Variants in FASTK observed in about 807,000 individuals in gnomAD.
The protein encoded by FASTK is Fas activated serine/threonine kinase, also known as fas-activated serine/threonine kinase.
A neutral mutation model predicts 60.0 loss-of-function variants in FASTK; 28 were observed. That is an observed-to-expected ratio of 0.47 (90% CI 0.35 to 0.64). The LOEUF is 0.64. FASTK is among the 30% of genes least tolerant of loss of function. The probability of loss-of-function intolerance (pLI) is 0.01; values close to 1 mark genes in which losing one functional copy is unlikely to be tolerated. For synonymous variants in FASTK, 325 were observed against 307.9 expected (o/e 1.06, Z -0.58); for missense variants, 595 against 713.8 (o/e 0.83, Z 1.90).
chr7:151,079,245 T>C, intron 2 of FASTK: 1 of 582,768 alleles, frequency 1.7e-6, no homozygotes, highest in Non-Finnish European at 2.9e-6. Context: ...TAGGCTTTCA[T>C]CTCATACCAA....
In FASTK at chr7:151,077,610, GCC is replaced by G; in HGVS notation, c.1199+9_1199+10del. The G allele has an allele frequency of 6.5e-7, 1 of 1,536,644 alleles. No homozygotes were observed. The highest frequency in any genetic ancestry group is 8.8e-7 in the Non-Finnish European group (1 of 1,140,562). ...CTGGCCCCTCCCCTTGCCCCAGGCT[GCC>G]CCATCCACCTGTACTTGCAGCGGGC... is the stretch of plus-strand genomic sequence containing the variant. On this transcript the variant is annotated intron_variant, in intron 6 of 9. Transcript: ENST00000297532.
rs1021704556 is a variant in FASTK at position 151,080,774 on chromosome 7, C to T, written c.-8G>A. ...CCCCCGCGGCCTCCTCATCGGCTAG[C>T]CACCGAGTCCGCCATCTTCCCAGCA... is the stretch of plus-strand genomic sequence containing the variant. On this transcript the variant is annotated 5_prime_UTR_variant, in exon 1 of 10. Transcript: ENST00000297532. 7 of 1,278,044 alleles carry T rather than the reference C, an allele frequency of 5.5e-6. No individual in the cohort carries two copies. Among genetic ancestry groups the T allele is most frequent in the Non-Finnish European group, 6.9e-6 (7 of 1,010,120 alleles). 79.2% of individuals were successfully genotyped at this position (1,278,044 alleles called of 1,614,324 possible).
intron 7 of FASTK, 34 bp downstream of exon 7, chr7:151,077,276 G>GTCTCCCCGGGCCTGCC (rs777346432): frequency 6.2e-7 from 1 of 1,611,772 alleles, no homozygotes; most frequent in Non-Finnish European, 8.5e-7. Context: ...CCAGGGCTCC[G>GTCTCCCCGGGCCTGCC]TCTCCCCGGG....
intron 4 of FASTK, among the ~76,000 whole-genome samples, 157 bp downstream of exon 4, chr7:151,078,405 G>T (rs1026423268): frequency 2.0e-5 from 3 of 152,324 alleles, no homozygotes. Context: ...CAGGAGGTGG[G>T]CAAGCCACAG....
intron 1 of FASTK, chr7:151,080,383 C>A: frequency 1.0e-6 from 1 of 969,442 alleles, no homozygotes; most frequent in Non-Finnish European, 1.3e-6. Flanking sequence ...GAGGGTGGAA[C>A]GCGGGCTCCG....
At chr7:151,079,348 T>G in intron 2 of FASTK, 152 bp downstream of exon 2, 1 of 759,548 alleles carries the variant, frequency 1.3e-6, no homozygotes, top group Non-Finnish European at 2.1e-6. Context: ...GTTCGACTCA[T>G]GATGTCTGCC....
rs1230434161 is a variant in FASTK at position 151,077,923 on chromosome 7, G to A, written c.995C>T (p.Ala332Val). ...LCQLRCLPFR[A>V]LHFVFSPGFI... ...GCCAGGGGAAAAAACAAAGTGCAGG[G>A]CTCTGAAGGGCAGGCACCGCAGTTG... The change falls in exon 5 of 10, where the codon GCC becomes GTC. Residue 332 changes from alanine (A) to valine (V), a missense_variant. By Grantham distance (64) the Ala-to-Val change is moderately conservative (BLOSUM62 0). This residue lies in a region of FASTK where 471 missense variants were observed against 605.9 expected (regional missense o/e 0.78). Transcript: ENST00000297532. The A allele has an allele frequency of 9.3e-6, 15 of 1,613,774 alleles. No homozygotes were observed. The highest frequency in any genetic ancestry group is 1.3e-5 in the Non-Finnish European group (15 of 1,179,976).
chr7:151,078,568 G>A lies in FASTK; in HGVS notation c.819C>T (p.Ser273=), dbSNP rs1178456719. The A allele has an allele frequency of 1.9e-6, 3 of 1,613,220 alleles. No individual in the cohort carries two copies. The highest frequency in any genetic ancestry group is 2.2e-5 in the East Asian group (1 of 44,868). ...GGGTGGGTGGCAAGCCCACCTTGCT[G>A]CTGAGTTGCGTTTCCTGAACCACCA... ...HFLVVQETQL[S]SKVVQKLVLP... Residue 273 remains serine (S), a synonymous_variant, in exon 4 of 10, where the codon AGC becomes AGT. Coordinates refer to ENST00000297532, the MANE Select transcript of FASTK (RefSeq NM_006712.5).
At chr7:151,076,870 C>A (rs375095180) in intron 9 of FASTK, 38 bp from the exon 10 acceptor site, 2 of 1,599,824 alleles carry the variant, frequency 1.3e-6, no homozygotes, top group Non-Finnish European at 1.7e-6. Flanking sequence ...TACCCGCAGG[C>A]TGGGAGTGAG....
chr7:151,079,382 G>A, intron 2 of FASTK, 118 bp downstream of exon 2: 6 of 1,001,832 alleles, frequency 6.0e-6, no homozygotes, highest in Non-Finnish European at 8.7e-6. Flanking sequence ...GGGAGCAGGA[G>A]CAAGCGTTCC....
chr7:151,079,672 G>A lies in FASTK; in HGVS notation c.333C>T (p.Ala111=), dbSNP rs746424454. The A allele has an allele frequency of 8.7e-6, 14 of 1,611,214 alleles. No individual in the cohort carries two copies. Among genetic ancestry groups the A allele is most frequent in the East Asian group, 2.2e-5 (1 of 44,808 alleles). ...WLGQNPSKVR[A]HHYSVALRRL... ...GACGAAGCGCCACCGAGTAGTGGTG[G>A]GCGCGCACCTTGCTGGGGTTCTGGC... The change falls in exon 2 of 10, where the codon GCC becomes GCT. Residue 111 remains alanine, a synonymous_variant. Transcript: ENST00000297532.
At position 151,076,990 on chromosome 7, in the gene FASTK, G is replaced by A. The variant is rs371380337; in HGVS notation, c.1465C>T (p.Arg489Trp). 3.7e-6 allele frequency: 6 copies of A among 1,612,334 alleles called. No homozygotes were observed. The highest frequency in any genetic ancestry group is 2.7e-5 in the African/African-American group (2 of 74,944). The change falls in exon 9 of 10, where the codon CGG (arginine) becomes TGG (tryptophan). Residue 489 changes from arginine to tryptophan, a missense_variant. Arg to Trp is a moderately radical substitution (Grantham distance 101). Around this residue, in one of 2 missense-constraint regions of FASTK, gnomAD observed 471 missense variants for 605.9 expected, o/e 0.78. Coordinates refer to ENST00000297532, the MANE Select transcript of FASTK (RefSeq NM_006712.5). ...LVLRERWHFC[R>W]DGRVLLGSRA... ...GAGCCCAGCAGCACCCGGCCGTCCC[G>A]GCAGAAATGCCAGCGTTCCCGCAAC...
At position 151,077,251 on chromosome 7, in the gene FASTK, G is replaced by A; in HGVS notation, c.1292-15C>T. The stretch of plus-strand genomic sequence containing the variant: ...CAGCAGGAAGTCTGGAGGGGAGCAG[G>A]GCCGGCGGCCTTAGCCAGGGCTCCG... On this transcript the variant is annotated splice_polypyrimidine_tract_variant and intron_variant, in intron 7 of 9. Coordinates refer to ENST00000297532, the MANE Select transcript of FASTK (RefSeq NM_006712.5). 1 of 1,612,132 alleles carries A rather than the reference G, an allele frequency of 6.2e-7. No individual in the cohort carries two copies. Among genetic ancestry groups the A allele is most frequent in the Non-Finnish European group, 8.5e-7 (1 of 1,179,232 alleles).
chr7:151,076,837 G>A lies in FASTK; in HGVS notation c.1543-5C>T. On this transcript the variant is annotated splice_polypyrimidine_tract_variant and splice_region_variant and intron_variant, in intron 9 of 9. Transcript: ENST00000297532. ...CTCCAGTTCCTCGAAGGGTAGCTGT[G>A]GGGAGAGGAGAGGGCGGCAGGTTAC... The A allele has an allele frequency of 6.2e-7, 1 of 1,607,682 alleles. No homozygotes were observed. The highest frequency in any genetic ancestry group is 8.5e-7 in the Non-Finnish European group (1 of 1,176,808).
chr7:151,078,741 C>G, intron 3 of FASTK, 40 bp from the exon 4 acceptor site: 1 of 1,611,132 alleles, frequency 6.2e-7, no homozygotes, highest in South Asian at 1.1e-5. Flanking sequence ...TCAGCCGGAC[C>G]TCCGGCTGGC....
rs1428233842 is a variant in FASTK at position 151,079,894 on chromosome 7, T to G, written c.111A>C (p.Arg37=). The change falls in exon 2 of 10, where the codon CGA becomes CGC. Residue 37 remains arginine (R), a synonymous_variant. Coordinates refer to ENST00000297532, the MANE Select transcript of FASTK (RefSeq NM_006712.5). ...GGGAGGTCTGAGCAGAGAGCAGGACTCGAAGCATGGAGTTGGGTGATGGAG... is the reference window on the plus strand; with the variant it reads ...GGGAGGTCTGAGCAGAGAGCAGGACGCGAAGCATGGAGTTGGGTGATGGAG... The part of the protein sequence containing the change: ...SWSPSPNSML[R]VLLSAQTSPA... 1 of 1,596,110 alleles carries G rather than the reference T, an allele frequency of 6.3e-7. No homozygotes were observed. Among genetic ancestry groups the G allele is most frequent in the Non-Finnish European group, 8.6e-7 (1 of 1,168,504 alleles).
chr7:151,079,349 G>A, intron 2 of FASTK, 151 bp downstream of exon 2: 1 of 764,876 alleles, frequency 1.3e-6, no homozygotes, highest in East Asian at 2.8e-5. Context: ...TTCGACTCAT[G>A]ATGTCTGCCG....
At position 151,076,734 on chromosome 7, in the gene FASTK, T is replaced by A; in HGVS notation, c.1641A>T (p.Glu547Asp). ...ACCCCACATCAACCCCTCAGCCCCC[T>A]TCAGGCCCCCAGCGCAGGCCCAGGG... ...LQALGLRWGP[E>D]GG is the part of the protein sequence containing the mutation. Residue 547 changes from glutamate (E) to aspartate (D), a missense_variant, in exon 10 of 10, where the codon GAA becomes GAT. Glu to Asp is a conservative substitution (Grantham distance 45). This residue lies in a region of FASTK where 471 missense variants were observed against 605.9 expected (regional missense o/e 0.78). Coordinates refer to ENST00000297532, the MANE Select transcript of FASTK (RefSeq NM_006712.5). 6.3e-7 allele frequency: 1 copy of A among 1,593,280 alleles called. No individual in the cohort carries two copies. The highest frequency in any genetic ancestry group is 1.7e-5 in the Admixed American group (1 of 57,780).
In FASTK at chr7:151,078,685, T is replaced by C; in HGVS notation, c.702A>G (p.Glu234=). ...ISSLAEARPE[E]LTPHVMVLLA... is the part of the protein sequence containing the mutation. ...GGAGCACCATCACGTGGGGAGTCAGTTCCTCTGGCCTTGCCTCTGTGAAGA... is the reference window on the plus strand; with the variant it reads ...GGAGCACCATCACGTGGGGAGTCAGCTCCTCTGGCCTTGCCTCTGTGAAGA... Residue 234 remains glutamate (E), a synonymous_variant, in exon 4 of 10, where the codon GAA becomes GAG. Transcript: ENST00000297532. The C allele has an allele frequency of 6.2e-7, 1 of 1,612,970 alleles. No individual in the cohort carries two copies. The highest frequency in any genetic ancestry group is 8.5e-7 in the Non-Finnish European group (1 of 1,179,916).
Sources: gnomAD v4.1 joint callset for allele counts (sites outside exome capture counted in the v4.1 genomes callset) on GRCh38, gnomAD v4.1.1 for gene constraint, gnomAD v4.1.1 regional missense constraint, MANE v1.5 for transcripts, NCBI Gene and HGNC (gene_info 2026-07-23, HGNC 2026-07-21) for gene names.